ITGAV: variants seen among roughly 807,000 people sequenced by gnomAD.
ITGAV encodes integrin subunit alpha V.
In ITGAV, 76 loss-of-function variants were observed where a neutral mutation model predicts 143.8. The observed-to-expected ratio is 0.53, with a 90% CI of 0.44 to 0.64. ITGAV has a LOEUF of 0.64. Among genes scored for constraint, ITGAV ranks in the 30% least tolerant of loss-of-function variants. The probability of loss-of-function intolerance (pLI) is 0.00; values close to 1 mark genes in which losing one functional copy is unlikely to be tolerated. For synonymous variants in ITGAV, 453 were observed against 446.7 expected, an observed-to-expected ratio of 1.01 and a Z score of -0.18; for missense variants, 1,193 against 1,274.7, an observed-to-expected ratio of 0.94 and a Z score of 0.98.
At chr2:186,591,577 T>G (rs1330953456) in intron 1 of ITGAV, among the ~76,000 whole-genome samples, 1 of 152,158 alleles carries the variant, frequency 6.6e-6, no homozygotes, top group Non-Finnish European at 1.5e-5. Flanking sequence ...GGAGGAAAAT[T>G]TTGACGGTTA....
chr2:186,608,708 C>G (rs1052008024), intron 2 of ITGAV, among the ~76,000 whole-genome samples: 1 of 152,110 alleles, frequency 6.6e-6, no homozygotes, highest in Non-Finnish European at 1.5e-5. Context: ...TTTATTTCCA[C>G]TCACCATTTA....
Position 186,640,919 on chromosome 2 carries a change from C to T in ITGAV, c.908C>T (p.Ala303Val). The change falls in exon 11 of 30, where the codon GCT becomes GTT. Residue 303 changes from alanine (A) to valine (V), a missense_variant. Coordinates refer to ENST00000261023, the MANE Select transcript of ITGAV (RefSeq NM_002210.5). Reference protein sequence around the residue: ...SLYNFTGEQMAAYFGFSVAAT... With the variant: ...SLYNFTGEQMVAYFGFSVAAT... ...CATTTTCATCTTTTTATCCAGATGG[C>T]TGCATATTTCGGATTTTCTGTAGCT... 6.3e-7 allele frequency: 1 copy of T among 1,591,068 alleles called. No homozygotes were observed. The highest frequency in any genetic ancestry group is 8.6e-7 in the Non-Finnish European group (1 of 1,165,022).
In ITGAV at chr2:186,613,013, C is replaced by T. The variant is rs549449621; in HGVS notation, c.317-9326C>T. Among the ~76,000 whole-genome samples the T allele has an allele frequency of 2.9e-3, 434 of 152,220 alleles. 1 individual carries two copies. Among genetic ancestry groups the T allele is most frequent in the African/African-American group, 0.01 (420 of 41,536 alleles). ...CCTTTACTACTAACTGACTGACAGT[C>T]ATACAGTTAGTCAGTATTTTAATGT... On this transcript the variant is annotated intron_variant, in intron 2 of 29. Transcript: ENST00000261023.
At chr2:186,607,079 T>C (rs554384827) in intron 2 of ITGAV, among the ~76,000 whole-genome samples, 2 of 152,252 alleles carry the variant, frequency 1.3e-5, no homozygotes, top group South Asian at 2.1e-4. Context: ...AAATCTAGCC[T>C]CTGTCATTTT....
rs193015976 is a variant in ITGAV, at chr2:186,619,276, A to G, written c.317-3063A>G. 4.4e-4 allele frequency among the ~76,000 whole-genome samples: 67 copies of G among 152,196 alleles called. 1 individual carries two copies. The highest frequency in any genetic ancestry group is 3.4e-3 in the Middle Eastern group (1 of 292). On this transcript the variant is annotated intron_variant, in intron 2 of 29. Transcript: ENST00000261023. ...GGCAACACGGATGGAACTGGAGGAT[A>G]TTATGTTAAGTGAAATAAGCCAGGA...
At chr2:186,632,037 T>A (rs1035707359) in intron 5 of ITGAV, among the ~76,000 whole-genome samples, 5 of 152,250 alleles carry the variant, frequency 3.3e-5, no homozygotes, top group Admixed American at 2.0e-4. Flanking sequence ...AATGTTTTTT[T>A]AAAAATTTTA....
chr2:186,590,445 A>C lies in ITGAV; in HGVS notation c.107A>C (p.Asp36Ala). Reference sequence around the variant, plus strand: ...TGCCGCGCCTTCAACCTAGACGTGGACAGTCCTGCCGAGTACTCTGGCCCC... The same window carrying C: ...TGCCGCGCCTTCAACCTAGACGTGGCCAGTCCTGCCGAGTACTCTGGCCCC... ...PLCRAFNLDV[D>A]SPAEYSGPEG... The change falls in exon 1 of 30, where the codon GAC becomes GCC. Residue 36 changes from aspartate (D) to alanine (A), a missense_variant. Physicochemically the swap from Asp to Ala is moderately radical, Grantham distance 126. Transcript: ENST00000261023. The C allele has an allele frequency of 6.2e-7, 1 of 1,613,042 alleles. No individual in the cohort carries two copies. Among genetic ancestry groups the C allele is most frequent in the Non-Finnish European group, 8.5e-7 (1 of 1,179,764 alleles).
chr2:186,676,770 T>G, intron 28 of ITGAV, 43 bp from the exon 29 acceptor site: 1 of 1,591,854 alleles, frequency 6.3e-7, no homozygotes, highest in Non-Finnish European at 8.6e-7. Flanking sequence ...GTTGATTAAG[T>G]CAATGGACTG....
intron 2 of ITGAV, among the ~76,000 whole-genome samples, chr2:186,612,149 T>G (rs1687233565): frequency 1.3e-5 from 2 of 152,208 alleles, no homozygotes; most frequent in Non-Finnish European, 2.9e-5. Flanking sequence ...TTAACTTCTG[T>G]TATTGTGACA....
In ITGAV at chr2:186,647,345, C is replaced by T. The variant is rs529597606; in HGVS notation, c.1351+468C>T. On this transcript the variant is annotated intron_variant, in intron 13 of 29. Coordinates refer to ENST00000261023, the MANE Select transcript of ITGAV (RefSeq NM_002210.5). ...CCACCTCCTGGGCTCAAGCCATCCTCCCACCTCAGCCTCCTTAGTAGCTGG... is the reference window on the plus strand; with the variant it reads ...CCACCTCCTGGGCTCAAGCCATCCTTCCACCTCAGCCTCCTTAGTAGCTGG... Among the ~76,000 whole-genome samples the T allele has an allele frequency of 4.1e-4, 62 of 151,876 alleles. 1 individual carries two copies. In the South Asian group the frequency reaches 0.012, roughly 30 times the overall value.
At chr2:186,653,414 C>T (rs1207502672) in intron 15 of ITGAV, among the ~76,000 whole-genome samples, 1 of 152,160 alleles carries the variant, frequency 6.6e-6, no homozygotes, top group African/African-American at 2.4e-5. Flanking sequence ...TCCTTACTTA[C>T]ACAGACGAGT....
intron 13 of ITGAV, among the ~76,000 whole-genome samples, chr2:186,649,570 A>G (rs983757695): frequency 6.6e-5 from 10 of 152,300 alleles, no homozygotes; most frequent in South Asian, 2.1e-4. Flanking sequence ...TGGCAGGTGT[A>G]TGATTATCAT....
chr2:186,640,089 C>G (rs1688060498), intron 10 of ITGAV, among the ~76,000 whole-genome samples: 1 of 152,126 alleles, frequency 6.6e-6, no homozygotes, highest in African/African-American at 2.4e-5. Context: ...GCTAACTTTC[C>G]TTTTTTGGTT....
chr2:186,671,243 C>G (rs1689053445), intron 26 of ITGAV, among the ~76,000 whole-genome samples: 1 of 152,166 alleles, frequency 6.6e-6, no homozygotes, highest in African/African-American at 2.4e-5. Context: ...GCCTTCCCAT[C>G]TAACTCAATG....
intron 1 of ITGAV, among the ~76,000 whole-genome samples, chr2:186,599,913 T>G (rs1043667187): frequency 1.3e-5 from 2 of 152,188 alleles, no homozygotes; most frequent in Non-Finnish European, 2.9e-5. Flanking sequence ...CCACCCACCC[T>G]CTTACTGCAG....
intron 3 of ITGAV, among the ~76,000 whole-genome samples, chr2:186,623,223 G>A (rs574769128): frequency 2.0e-5 from 3 of 152,160 alleles, no homozygotes; most frequent in African/African-American, 7.2e-5. Context: ...TTGACTTTCA[G>A]GTCACTGAAA....
At chr2:186,597,925 G>A (rs1023663073) in intron 1 of ITGAV, among the ~76,000 whole-genome samples, 4 of 152,156 alleles carry the variant, frequency 2.6e-5, no homozygotes, top group African/African-American at 9.7e-5. Flanking sequence ...GAAAGGTTGG[G>A]GACCACTGCT....
chr2:186,663,682 G>T, intron 18 of ITGAV, 86 bp from the exon 19 acceptor site: 1 of 914,196 alleles, frequency 1.1e-6, no homozygotes, highest in East Asian at 2.5e-5. Context: ...GTACATATAG[G>T]CTTAACCACA....
rs756496939 is a variant in ITGAV at position 186,637,069 on chromosome 2, T to C, written c.762T>C (p.Tyr254=). 5 of 1,613,592 alleles carry C rather than the reference T, an allele frequency of 3.1e-6. No individual in the cohort carries two copies. In the South Asian group the frequency reaches 5.5e-5, roughly 18 times the overall value. ...CCCCTTTGGTTTCCTGTTTAGGTTA[T>C]TCTGTGGCTGTCGGAGATTTCAATG... ...QAIFDDSYLG[Y]SVAVGDFNGD... is the part of the protein sequence containing the mutation. Residue 254 remains tyrosine (Y), a synonymous_variant, in exon 8 of 30, where the codon TAT becomes TAC. Transcript: ENST00000261023.
Sources: gnomAD v4.1 joint callset for allele counts (sites outside exome capture counted in the v4.1 genomes callset) on GRCh38, gnomAD v4.1.1 for gene constraint, MANE v1.5 for transcripts, NCBI Gene and HGNC (gene_info 2026-07-23, HGNC 2026-07-21) for gene names.